TRAPPC9: variants seen among roughly 807,000 people sequenced by gnomAD.
The protein encoded by TRAPPC9 is trafficking protein particle complex subunit 9.
In TRAPPC9, 83 loss-of-function variants were observed where a neutral mutation model predicts 124.0. That is an observed-to-expected ratio of 0.67 (90% CI 0.56 to 0.80). TRAPPC9 has a LOEUF of 0.80. Among genes scored for constraint, TRAPPC9 ranks in the 30% least tolerant of loss-of-function variants. TRAPPC9 has a pLI of 0.00. For missense variants in TRAPPC9, 1,302 were observed against 1,508.3 expected (o/e 0.86, Z 2.27); for synonymous variants, 638 against 617.5 (o/e 1.03, Z -0.49).
chr8:140,322,793 G>C (rs985889479), intron 9 of TRAPPC9, among the ~76,000 whole-genome samples: 1 of 152,100 alleles, frequency 6.6e-6, no homozygotes, highest in Non-Finnish European at 1.5e-5. Context: ...CTATGATTAC[G>C]GGCCACTGTA....
At chr8:140,274,882 G>A (rs967082446) in intron 15 of TRAPPC9, among the ~76,000 whole-genome samples, 4 of 152,092 alleles carry the variant, frequency 2.6e-5, no homozygotes, top group East Asian at 1.9e-4. Context: ...TCACCCATAC[G>A]TCAAAAGCAC....
chr8:140,196,736 G>A (rs1444975088), intron 17 of TRAPPC9, among the ~76,000 whole-genome samples: 3 of 143,330 alleles, frequency 2.1e-5, no homozygotes, highest in South Asian at 4.6e-4. Flanking sequence ...TACACAGCTT[G>A]CACCTGTGAC....
chr8:139,900,716 C>T (rs1371841764), intron 20 of TRAPPC9, among the ~76,000 whole-genome samples: 1 of 152,150 alleles, frequency 6.6e-6, no homozygotes, highest in African/African-American at 2.4e-5. Context: ...AAACACCTTC[C>T]TTGTCATTTT....
At chr8:140,040,045 T>C (rs1183875802) in intron 17 of TRAPPC9, 1 of 152,206 alleles carries the variant, frequency 6.6e-6, no homozygotes, top group Non-Finnish European at 1.5e-5. Context: ...ACTGACTATG[T>C]GGAGGAGTCT....
chr8:140,395,061 C>T (rs2069049645), intron 7 of TRAPPC9, among the ~76,000 whole-genome samples: 1 of 152,216 alleles, frequency 6.6e-6, no homozygotes, highest in Admixed American at 6.5e-5. Flanking sequence ...GTAACTGAAG[C>T]TTCCACTTTG....
chr8:140,115,594 AT>A (rs199562635), intron 17 of TRAPPC9, among the ~76,000 whole-genome samples: 3 of 149,090 alleles, frequency 2.0e-5, no homozygotes, highest in East Asian at 2.0e-4. Flanking sequence ...TGGTTGTATT[AT>A]TTTTTTTTCT....
At chr8:139,792,502 C>T (rs2130614858) in intron 21 of TRAPPC9, among the ~76,000 whole-genome samples, 1 of 152,322 alleles carries the variant, frequency 6.6e-6, no homozygotes, top group South Asian at 2.1e-4. Context: ...GAGACAAATG[C>T]CCCACTGTTC....
chr8:140,172,839 C>A (rs952855494), intron 17 of TRAPPC9, among the ~76,000 whole-genome samples: 7 of 152,204 alleles, frequency 4.6e-5, no homozygotes, highest in African/African-American at 1.7e-4. Flanking sequence ...GGTGAGATTC[C>A]TTTGACCATG....
intron 21 of TRAPPC9, among the ~76,000 whole-genome samples, chr8:139,755,000 C>T (rs11987921): frequency 0.031 from 4,700 of 152,332 alleles, 226 homozygotes; most frequent in African/African-American, 0.11. Flanking sequence ...CTGGGAAGGA[C>T]GGGCCAAAGC....
rs865924643 is a variant in TRAPPC9 at position 140,221,844 on chromosome 8, C to T, written c.2432-261G>A. The stretch of plus-strand genomic sequence containing the variant: ...GTAGAGGTGGGGTTTCACCACGTTG[C>T]CCAGGCTGGTTTTGTTTTTGTTTTT... On this transcript the variant is annotated intron_variant, in intron 16 of 22. Transcript: ENST00000438773. Among the ~76,000 whole-genome samples, 5 of 152,220 alleles carry T rather than the reference C, an allele frequency of 3.3e-5. No individual in the cohort carries two copies. In the Middle Eastern group the frequency reaches 0.014, roughly 414 times the overall value.
chr8:140,010,669 T>A (rs1342276254), intron 18 of TRAPPC9, among the ~76,000 whole-genome samples: 2 of 152,136 alleles, frequency 1.3e-5, no homozygotes, highest in African/African-American at 4.8e-5. Flanking sequence ...CAAACCTTCA[T>A]GAAAAGAATG....
chr8:139,874,820 A>T (rs1829216574), intron 21 of TRAPPC9, among the ~76,000 whole-genome samples: 1 of 152,316 alleles, frequency 6.6e-6, no homozygotes, highest in South Asian at 2.1e-4. Context: ...AACAACAAGC[A>T]TGGCCACAGG....
chr8:140,165,276 G>C (rs985823421), intron 17 of TRAPPC9, among the ~76,000 whole-genome samples: 1 of 152,042 alleles, frequency 6.6e-6, no homozygotes, highest in Admixed American at 6.6e-5. Flanking sequence ...GGGAGGCAGA[G>C]GTTGCAGTGA....
Position 139,965,784 on chromosome 8 carries a change from T to C in TRAPPC9, c.2810+22942A>G, listed in dbSNP as rs797029722. On this transcript the variant is annotated intron_variant, in intron 19 of 22. Coordinates refer to ENST00000438773, the MANE Select transcript of TRAPPC9 (RefSeq NM_001160372.4). The stretch of plus-strand genomic sequence containing the variant: ...CACACGGGGGAGAGAAGGCTCCATG[T>C]TGAGCAGAGTTGGCTACGTGCTGAA... 2.0e-5 allele frequency among the ~76,000 whole-genome samples: 3 copies of C among 152,266 alleles called. No homozygotes were observed. The South Asian group carries it at 6.2e-4, about 31-fold the overall frequency.
intron 9 of TRAPPC9, among the ~76,000 whole-genome samples, chr8:140,330,155 T>C (rs1416246939): frequency 6.6e-6 from 1 of 151,954 alleles, no homozygotes; most frequent in African/African-American, 2.4e-5. Context: ...GCCACCGAGA[T>C]TGCCCCAAAA....
chr8:139,897,631 G>A (rs1304641399), intron 20 of TRAPPC9, among the ~76,000 whole-genome samples: 1 of 152,208 alleles, frequency 6.6e-6, no homozygotes, highest in Non-Finnish European at 1.5e-5. Flanking sequence ...AACAACTTCA[G>A]GTTTAGGAAG....
intron 15 of TRAPPC9, chr8:140,262,681 T>A (rs1416575052): frequency 6.7e-6 from 1 of 149,930 alleles, no homozygotes; most frequent in African/African-American, 2.5e-5. Flanking sequence ...TGCACATGTC[T>A]GCCTCCTACA....
At chr8:139,797,836 G>A (rs770615781) in intron 21 of TRAPPC9, among the ~76,000 whole-genome samples, 8 of 152,162 alleles carry the variant, frequency 5.3e-5, no homozygotes, top group South Asian at 2.1e-4. Context: ...CTAGACACTC[G>A]ATTTCAGTCT....
In TRAPPC9 at chr8:139,731,621, C is replaced by A. The variant is rs570627847; in HGVS notation, c.3279+358G>T. 3.9e-5 allele frequency among the ~76,000 whole-genome samples: 6 copies of A among 152,178 alleles called. No individual in the cohort carries two copies. The East Asian group carries it at 1.2e-3, about 29-fold the overall frequency. Reference sequence around the variant, plus strand: ...GGGGGCTGAGGGCGTAGGGCTGGAGCCTTTCCGTGGAAGGAGCGGCAGGCA... The same window carrying A: ...GGGGGCTGAGGGCGTAGGGCTGGAGACTTTCCGTGGAAGGAGCGGCAGGCA... On this transcript the variant is annotated intron_variant, in intron 22 of 22. Transcript: ENST00000438773.
Sources: allele counts gnomAD v4.1 joint callset (sites outside exome capture counted in the v4.1 genomes callset), GRCh38; gene constraint gnomAD v4.1.1; transcripts MANE v1.5; gene names NCBI Gene and HGNC (gene_info 2026-07-23, HGNC 2026-07-21).